PCDHGB1: variants seen among roughly 807,000 people sequenced by gnomAD.
PCDHGB1 encodes the protein protocadherin gamma subfamily B, 1, also known as protocadherin gamma-B1.
A neutral mutation model predicts 56.6 loss-of-function variants in PCDHGB1; 34 were observed. That is an observed-to-expected ratio of 0.60 (90% CI 0.46 to 0.80). PCDHGB1 has a LOEUF of 0.80. Among genes scored for constraint, PCDHGB1 ranks in the 30% least tolerant of loss-of-function variants. PCDHGB1 has a pLI of 0.00. For synonymous variants in PCDHGB1, 561 were observed against 505.9 expected (o/e 1.11, Z -1.46); for missense variants, 1,278 against 1,204.6 (o/e 1.06, Z -0.90).
At chr5:141,379,257 AG>A (rs1177830899) in intron 1 of PCDHGB1, 8 of 152,234 alleles carry the variant, frequency 5.3e-5, no homozygotes, top group Non-Finnish European at 1.2e-4. Flanking sequence ...TTTACATTTA[AG>A]GAATTGTTAT....
In PCDHGB1 at chr5:141,431,514, C is replaced by T. The variant is rs760416874; in HGVS notation, c.2410-63293C>T. ...CAGCCCGAGTACCGCGCGAGCGTTC[C>T]GGAGAATCTGGCCTTGGGCACGCAG... On this transcript the variant is annotated intron_variant, in intron 1 of 3. Transcript: ENST00000523390. This position sits in a 1 kb window ranked among gnomAD's most constrained non-coding sequence, Gnocchi z 4.8. 3.1e-6 allele frequency: 5 copies of T among 1,614,012 alleles called. No homozygotes were observed. The highest frequency in any genetic ancestry group is 1.1e-5 in the South Asian group (1 of 91,082).
chr5:141,470,444 A>G (rs970120314), intron 1 of PCDHGB1, among the ~76,000 whole-genome samples: 8 of 152,222 alleles, frequency 5.3e-5, no homozygotes, highest in African/African-American at 1.9e-4. Context: ...ATAATTTAAT[A>G]GCATCTTGAA....
intron 1 of PCDHGB1, chr5:141,399,313 A>C: frequency 6.2e-7 from 1 of 1,613,952 alleles, no homozygotes; most frequent in Non-Finnish European, 8.5e-7. Flanking sequence ...TTCATCCAAA[A>C]ATTCGTATAA....
Position 141,491,916 on chromosome 5 carries a change from G to T in PCDHGB1, c.2410-2891G>T. ...GAGCACCGGGGGTGGTGGCGACTGT[G>T]GGCGAGGGGAGGTGGGACCGACCCC... On this transcript the variant is annotated intron_variant, in intron 1 of 3. Transcript: ENST00000523390. The surrounding 1 kb of genome is among the most constrained non-coding windows in gnomAD (Gnocchi z 6.9). 2 of 1,386,662 alleles carry T rather than the reference G, an allele frequency of 1.4e-6. No homozygotes were observed. Among genetic ancestry groups the T allele is most frequent in the African/African-American group, 1.5e-5 (1 of 68,510 alleles). The allele number at this position is 1,386,662 out of a possible 1,614,324, so 85.9% of individuals were successfully genotyped here.
Position 141,476,543 on chromosome 5 carries a change from G to A in PCDHGB1, c.2410-18264G>A, listed in dbSNP as rs1419273574. 1 of 1,614,220 alleles carries A rather than the reference G, an allele frequency of 6.2e-7. No individual in the cohort carries two copies. Among genetic ancestry groups the A allele is most frequent in the South Asian group, 1.1e-5 (1 of 91,084 alleles). On this transcript the variant is annotated intron_variant, in intron 1 of 3. Transcript: ENST00000523390. The surrounding 1 kb of genome is among the most constrained non-coding windows in gnomAD (Gnocchi z 7.6). ...TTTCCCTACCCAGGAAATGAAATTG[G>A]AGATTAGCGAGGCCGTGGCTCCGGG...
Position 141,476,160 on chromosome 5 carries a change from G to A in PCDHGB1, c.2410-18647G>A, listed in dbSNP as rs781765205. 4.3e-6 allele frequency: 7 copies of A among 1,612,858 alleles called. No homozygotes were observed. The highest frequency in any genetic ancestry group is 5.9e-6 in the Non-Finnish European group (7 of 1,179,926). On this transcript the variant is annotated intron_variant, in intron 1 of 3. Coordinates refer to ENST00000523390, the MANE Select transcript of PCDHGB1 (RefSeq NM_018922.3). This position sits in a 1 kb window ranked among gnomAD's most constrained non-coding sequence, Gnocchi z 7.6. ...AGGAGCGGACTGGTAAGCACCGGGA[G>A]GGTAGTGGGAGTTTTGCTTCTGCTT...
At chr5:141,457,412 C>A (rs2098919309) in intron 1 of PCDHGB1, among the ~76,000 whole-genome samples, 1 of 152,188 alleles carries the variant, frequency 6.6e-6, no homozygotes. Flanking sequence ...TCACATTACC[C>A]ATCCCTTTTT....
chr5:141,390,137 T>C lies in PCDHGB1; in HGVS notation c.2409+37468T>C, dbSNP rs373308909. The stretch of plus-strand genomic sequence containing the variant: ...AGGGGACTTTGCCTTATTCCTACAA[T>C]CTATGTGTTGCACATACAGGAAAGA... On this transcript the variant is annotated intron_variant, in intron 1 of 3. Coordinates refer to ENST00000523390, the MANE Select transcript of PCDHGB1 (RefSeq NM_018922.3). 3.1e-4 allele frequency: 506 copies of C among 1,614,052 alleles called. 2 individuals carry two copies. The African/African-American group carries it at 6.2e-3, about 20-fold the overall frequency.
Position 141,398,834 on chromosome 5 carries a change from A to G in PCDHGB1, c.2409+46165A>G, listed in dbSNP as rs201953825. On this transcript the variant is annotated intron_variant, in intron 1 of 3. Transcript: ENST00000523390. Reference sequence around the variant, plus strand: ...CTCCGGATCCAGGTAACCGACGCCAATGATAATCCCCCGGTATTCAACCGA... The same window carrying G: ...CTCCGGATCCAGGTAACCGACGCCAGTGATAATCCCCCGGTATTCAACCGA... The G allele has an allele frequency of 3.9e-4, 623 of 1,614,014 alleles. 4 individuals are homozygous for G. In the South Asian group the frequency reaches 4.2e-3, roughly 11 times the overall value.
chr5:141,373,134 C>T (rs1335813862), intron 1 of PCDHGB1, among the ~76,000 whole-genome samples: 4 of 152,200 alleles, frequency 2.6e-5, no homozygotes, highest in Non-Finnish European at 5.9e-5. Flanking sequence ...CAAATCCTCA[C>T]AATTAAGTGG....
intron 1 of PCDHGB1, chr5:141,364,734 A>T: frequency 6.2e-7 from 1 of 1,613,934 alleles, no homozygotes; most frequent in Non-Finnish European, 8.5e-7. Flanking sequence ...CGTTTCCGGG[A>T]TGAAGAGTTA....
At chr5:141,436,331 T>A (rs919524287) in intron 1 of PCDHGB1, among the ~76,000 whole-genome samples, 1 of 152,198 alleles carries the variant, frequency 6.6e-6, no homozygotes, top group Non-Finnish European at 1.5e-5. Flanking sequence ...TTAGACCATA[T>A]CTCAAATATC....
intron 1 of PCDHGB1, chr5:141,374,245 G>C: frequency 2.5e-6 from 4 of 1,613,980 alleles, no homozygotes; most frequent in Non-Finnish European, 3.4e-6. Flanking sequence ...ATCTGGGACT[G>C]GAGCCCCAGG....
chr5:141,407,159 A>G (rs1349203478), intron 1 of PCDHGB1, among the ~76,000 whole-genome samples: 1 of 152,232 alleles, frequency 6.6e-6, no homozygotes, highest in Non-Finnish European at 1.5e-5. Context: ...AGTGTCTGGG[A>G]ATCCTTTATG....
At position 141,375,276 on chromosome 5, in the gene PCDHGB1, T is replaced by C. The variant is rs763492378; in HGVS notation, c.2409+22607T>C. On this transcript the variant is annotated intron_variant, in intron 1 of 3. Transcript: ENST00000523390. The stretch of plus-strand genomic sequence containing the variant: ...CTCCCATTTGAATTGGAAAAATCAG[T>C]TGGCAATTATTATCGATTAGTGACA... 10 of 1,613,700 alleles carry C rather than the reference T, an allele frequency of 6.2e-6. No homozygotes were observed. The Admixed American group carries it at 1.3e-4, about 22-fold the overall frequency.
At chr5:141,365,624 C>A in intron 1 of PCDHGB1, 1 of 1,613,680 alleles carries the variant, frequency 6.2e-7, no homozygotes, top group Non-Finnish European at 8.5e-7. Context: ...AACCCCGCCC[C>A]TCTCTACAGA....
chr5:141,444,360 G>A (rs556605314), intron 1 of PCDHGB1, among the ~76,000 whole-genome samples: 1 of 151,652 alleles, frequency 6.6e-6, no homozygotes, highest in South Asian at 2.1e-4. Context: ...TAGTAGAGAC[G>A]GGGTTTCTCC....
At chr5:141,495,910 A>C (rs2154591812) in intron 2 of PCDHGB1, among the ~76,000 whole-genome samples, 1 of 151,278 alleles carries the variant, frequency 6.6e-6, no homozygotes, top group East Asian at 1.9e-4. Flanking sequence ...GTCTCTGTAT[A>C]TCTTTCTTTG....
chr5:141,370,171 C>T (rs1008611247), intron 1 of PCDHGB1: 18 of 460,518 alleles, frequency 3.9e-5, no homozygotes, highest in Middle Eastern at 5.5e-4. Flanking sequence ...GCAGAGGCGC[C>T]GGGTGCCGCT....
Sources: gnomAD v4.1 joint callset for allele counts (sites outside exome capture counted in the v4.1 genomes callset) on GRCh38, gnomAD v4.1.1 for gene constraint, Gnocchi (gnomAD v3.1) non-coding constraint, MANE v1.5 for transcripts, NCBI Gene and HGNC (gene_info 2026-07-23, HGNC 2026-07-21) for gene names.